The following GPR137B variants were observed in gnomAD, a reference collection of about 807,000 sequenced individuals.
The protein encoded by GPR137B is G protein-coupled receptor 137B.
GPR137B carries 42 observed loss-of-function variants against 42.5 expected under a neutral mutation model. The ratio of observed to expected loss-of-function variants is 0.99; its 90% confidence interval spans 0.77 to 1.28. The LOEUF (loss-of-function observed/expected upper bound fraction) is 1.28, where lower values mean the gene tolerates loss of function less well. Ranked by LOEUF, GPR137B falls within the 50% of genes most tolerant of loss-of-function variation. GPR137B has a pLI of 0.00. For synonymous variants in GPR137B, 218 were observed against 209.7 expected (o/e 1.04, Z -0.34); for missense variants, 487 against 493.9 (o/e 0.99, Z 0.13).
intron 6 of GPR137B, chr1:236,207,260 G>C: frequency 8.1e-6 from 8 of 985,406 alleles, no homozygotes; most frequent in Non-Finnish European, 9.6e-6. Context: ...CCAATGCGCT[G>C]AGCCAGCAGA....
intron 6 of GPR137B, chr1:236,207,303 A>T: frequency 1.0e-6 from 1 of 984,278 alleles, no homozygotes; most frequent in Non-Finnish European, 1.2e-6. Context: ...CAAGCCAACA[A>T]ACAAGAAGGA....
At chr1:236,149,710 G>C (rs1003182992) in intron 1 of GPR137B, among the ~76,000 whole-genome samples, 13 of 152,262 alleles carry the variant, frequency 8.5e-5, no homozygotes, top group African/African-American at 3.1e-4. Flanking sequence ...AACAGACAAG[G>C]CGGGCCAAGG....
intron 2 of GPR137B, among the ~76,000 whole-genome samples, chr1:236,176,056 C>T (rs555085730): frequency 2.6e-5 from 4 of 152,036 alleles, no homozygotes; most frequent in South Asian, 2.1e-4. Flanking sequence ...TTAGTGGGAG[C>T]CCGGCATGGC....
intron 1 of GPR137B, among the ~76,000 whole-genome samples, chr1:236,158,253 T>C (rs751788184): frequency 7.9e-5 from 12 of 152,162 alleles, no homozygotes; most frequent in Non-Finnish European, 1.6e-4. Context: ...GTGAAACCCC[T>C]GTCTCTACTA....
chr1:236,144,290 C>G (rs1336029028), intron 1 of GPR137B, among the ~76,000 whole-genome samples: 4 of 152,044 alleles, frequency 2.6e-5, no homozygotes, highest in Non-Finnish European at 4.4e-5. Flanking sequence ...TAGTGCCCGC[C>G]TGTAGTTCCA....
intron 1 of GPR137B, among the ~76,000 whole-genome samples, chr1:236,149,070 C>T (rs1490192428): frequency 6.6e-6 from 1 of 152,202 alleles, no homozygotes; most frequent in African/African-American, 2.4e-5. Flanking sequence ...TTGCCTACAG[C>T]TCTGAACCTA....
At chr1:236,143,095 C>T in intron 1 of GPR137B, 59 bp downstream of exon 1, 1 of 1,488,534 alleles carries the variant, frequency 6.7e-7, no homozygotes, top group Non-Finnish European at 9.1e-7. Context: ...CCGCGGGGCG[C>T]CCGAGGCAGG....
At chr1:236,184,427 T>G (rs1558490739) in intron 5 of GPR137B, among the ~76,000 whole-genome samples, 1 of 152,186 alleles carries the variant, frequency 6.6e-6, no homozygotes, top group African/African-American at 2.4e-5. Context: ...TATGAATGTC[T>G]TTATGGGACA....
Position 236,155,383 on chromosome 1 carries a change from C to T in GPR137B, c.414+12347C>T, listed in dbSNP as rs1003178718. ...GTCGATGGAGCTAACCAGGAACCAA[C>T]AAAGTAGGTTCCTGAGGGTTGACCA... On this transcript the variant is annotated intron_variant, in intron 1 of 6. Coordinates refer to ENST00000366592, the MANE Select transcript of GPR137B (RefSeq NM_003272.4). This position sits in a 1 kb window ranked among gnomAD's most constrained non-coding sequence, Gnocchi z 4.6. 5.3e-5 allele frequency among the ~76,000 whole-genome samples: 8 copies of T among 152,204 alleles called. No individual in the cohort carries two copies. Among genetic ancestry groups the T allele is most frequent in the Non-Finnish European group, 1.2e-4 (8 of 68,028 alleles).
chr1:236,188,074 TTTC>T (rs901571876), intron 5 of GPR137B, among the ~76,000 whole-genome samples: 4 of 152,182 alleles, frequency 2.6e-5, no homozygotes. Flanking sequence ...TCCTAGGTAT[TTTC>T]TTCTTTTAGT....
intron 5 of GPR137B, among the ~76,000 whole-genome samples, chr1:236,190,191 T>G (rs1663153575): frequency 6.8e-6 from 1 of 146,516 alleles, no homozygotes; most frequent in Middle Eastern, 3.6e-3. Context: ...TTGGTAAATA[T>G]TCCTCCGTCC....
chr1:236,146,275 G>A lies in GPR137B; in HGVS notation c.414+3239G>A, dbSNP rs190793615. On this transcript the variant is annotated intron_variant, in intron 1 of 6. Transcript: ENST00000366592. ...TATACATACAGCACAGTTAAGGCACGATTTGCGGCACTGAAGGGAATGGTT... is the reference window on the plus strand; with the variant it reads ...TATACATACAGCACAGTTAAGGCACAATTTGCGGCACTGAAGGGAATGGTT... 2.4e-4 allele frequency among the ~76,000 whole-genome samples: 36 copies of A among 152,306 alleles called. 1 individual carries two copies. The highest frequency in any genetic ancestry group is 2.0e-3 in the Admixed American group (31 of 15,294).
intron 1 of GPR137B, among the ~76,000 whole-genome samples, chr1:236,154,386 C>G (rs973964559): frequency 6.6e-6 from 1 of 152,012 alleles, no homozygotes; most frequent in Non-Finnish European, 1.5e-5. Context: ...GTGTCTTCCC[C>G]GAGTTCTCTC....
rs1241287736 is a variant in GPR137B, at chr1:236,208,198, A to G, written c.*40A>G. ...TTTATGGACGATTCCTCAGATGAAA[A>G]GCTTCAGAAAAGCATAGTGACAGCT... On this transcript the variant is annotated 3_prime_UTR_variant, in exon 7 of 7. Coordinates refer to ENST00000366592, the MANE Select transcript of GPR137B (RefSeq NM_003272.4). 2 of 1,602,414 alleles carry G rather than the reference A, an allele frequency of 1.2e-6. No homozygotes were observed. Among genetic ancestry groups the G allele is most frequent in the Non-Finnish European group, 1.7e-6 (2 of 1,173,850 alleles).
At chr1:236,178,375 T>A in intron 2 of GPR137B, 39 bp from the exon 3 acceptor site, 1 of 1,215,372 alleles carries the variant, frequency 8.2e-7, no homozygotes, top group Non-Finnish European at 1.2e-6. Flanking sequence ...TAGACTGACC[T>A]GGGATGTGCA....
At chr1:236,175,652 A>G (rs1418983221) in intron 2 of GPR137B, among the ~76,000 whole-genome samples, 1 of 151,160 alleles carries the variant, frequency 6.6e-6, no homozygotes, top group Admixed American at 6.6e-5. Flanking sequence ...TTTGGCCCAT[A>G]CCCCCCTCCC....
rs1303291866 is a variant in GPR137B at position 236,150,279 on chromosome 1, G to A, written c.414+7243G>A. Among the ~76,000 whole-genome samples the A allele has an allele frequency of 6.6e-6, 1 of 151,084 alleles. No individual in the cohort carries two copies. Among genetic ancestry groups the A allele is most frequent in the Non-Finnish European group, 1.5e-5 (1 of 67,748 alleles). ...CCTGTGTTTGTGTGTGTCTGTGCCT[G>A]TGTGTGTCTTTGCCTGTGTTTGTGT... On this transcript the variant is annotated intron_variant, in intron 1 of 6. Transcript: ENST00000366592. This position sits in a 1 kb window ranked among gnomAD's most constrained non-coding sequence, Gnocchi z 6.2.
intron 6 of GPR137B, among the ~76,000 whole-genome samples, chr1:236,206,208 A>T (rs770045346): frequency 1.3e-5 from 2 of 152,204 alleles, no homozygotes; most frequent in Non-Finnish European, 2.9e-5. Flanking sequence ...ATTTAGTCTT[A>T]ACAGTCCTGA....
At position 236,154,371 on chromosome 1, in the gene GPR137B, A is replaced by G. The variant is rs112569819; in HGVS notation, c.414+11335A>G. Among the ~76,000 whole-genome samples the G allele has an allele frequency of 1.2e-4, 19 of 152,102 alleles. 1 individual carries two copies. The highest frequency in any genetic ancestry group is 4.3e-4 in the African/African-American group (18 of 41,518). On this transcript the variant is annotated intron_variant, in intron 1 of 6. Transcript: ENST00000366592. The stretch of plus-strand genomic sequence containing the variant: ...CGGCCTGTCACGGCTTTGACAGCAT[A>G]TATTGTGTCTTCCCCGAGTTCTCTC...
Sources: allele counts gnomAD v4.1 joint callset (sites outside exome capture counted in the v4.1 genomes callset), GRCh38; gene constraint gnomAD v4.1.1; non-coding constraint Gnocchi (gnomAD v3.1); transcripts MANE v1.5; gene names NCBI Gene and HGNC (gene_info 2026-07-23, HGNC 2026-07-21).